ACSL1: variants seen among roughly 807,000 people sequenced by gnomAD.
ACSL1 encodes long-chain-fatty-acid--CoA ligase 1.
In ACSL1, 41 loss-of-function variants were observed where a neutral mutation model predicts 98.4. The ratio of observed to expected loss-of-function variants is 0.42; its 90% CI spans 0.32 to 0.54. ACSL1 has a LOEUF of 0.54. ACSL1 is among the 20% of genes least tolerant of loss of function. The pLI, the probability that ACSL1 is intolerant of heterozygous loss-of-function variation, is 0.13. For missense variants in ACSL1, 734 were observed against 883.1 expected (o/e 0.83, Z 2.14); for synonymous variants, 316 against 322.7 (o/e 0.98, Z 0.22).
At chr4:184,815,558 G>A (rs979826002) in intron 1 of ACSL1, among the ~76,000 whole-genome samples, 7 of 152,092 alleles carry the variant, frequency 4.6e-5, no homozygotes, top group Non-Finnish European at 8.8e-5. Flanking sequence ...CCCACAGCTC[G>A]CAGAGGTCAC....
At chr4:184,802,845 C>T (rs1053628924) in intron 2 of ACSL1, among the ~76,000 whole-genome samples, 8 of 152,202 alleles carry the variant, frequency 5.3e-5, no homozygotes, top group African/African-American at 1.9e-4. Context: ...CCGTCAAGTT[C>T]TTACTCCAGC....
In ACSL1 at chr4:184,788,661, A is replaced by T; in HGVS notation, c.266T>A (p.Val89Asp). Residue 89 changes from valine to aspartate, a missense_variant, in exon 3 of 21, where the codon GTC (valine) becomes GAC (aspartate). Physicochemically the swap from Val to Asp is radical, Grantham distance 152. Transcript: ENST00000281455. ...DEPLVYFYDD[V>D]TTLYEGFQRG... ...CTGGAAACCTTCGTATAATGTTGTG[A>T]CATCATCATAGAAATACACCAAGGG... 6.2e-7 allele frequency: 1 copy of T among 1,614,176 alleles called. No homozygotes were observed. Among genetic ancestry groups the T allele is most frequent in the Non-Finnish European group, 8.5e-7 (1 of 1,180,040 alleles).
chr4:184,805,397 A>T, intron 1 of ACSL1: 5 of 633,566 alleles, frequency 7.9e-6, no homozygotes, highest in Non-Finnish European at 9.8e-6. Flanking sequence ...GTACTCACTC[A>T]CACACACACA....
In ACSL1 at chr4:184,766,632, T is replaced by C; in HGVS notation, c.1253A>G (p.His418Arg). The C allele has an allele frequency of 6.2e-7, 1 of 1,614,034 alleles. No homozygotes were observed. The highest frequency in any genetic ancestry group is 8.5e-7 in the Non-Finnish European group (1 of 1,179,958). ...NNSLWDRLIF[H>R]KVQSSLGGRV... The stretch of plus-strand genomic sequence containing the variant: ...TGAGTCACGTGTTACCTGTACTTTG[T>C]GGAAGATCAGCCGGTCCCACAGGCT... Residue 418 changes from histidine (H) to arginine (R), a missense_variant, in exon 13 of 21, where the codon CAC becomes CGC. Transcript: ENST00000281455. The surrounding 1 kb of genome is among the most constrained non-coding windows in gnomAD (Gnocchi z 4.8).
intron 1 of ACSL1, among the ~76,000 whole-genome samples, chr4:184,806,598 TA>T (rs1771454921): frequency 6.6e-6 from 1 of 152,226 alleles, no homozygotes; most frequent in African/African-American, 2.4e-5. Flanking sequence ...CACAGGGGAT[TA>T]ATTTGTCTAT....
In ACSL1 at chr4:184,757,298, A is replaced by G. The variant is rs751635933; in HGVS notation, c.1957-33T>C. 3 of 1,575,164 alleles carry G rather than the reference A, an allele frequency of 1.9e-6. No individual in the cohort carries two copies. The highest frequency in any genetic ancestry group is 2.6e-6 in the Non-Finnish European group (3 of 1,152,936). On this transcript the variant is annotated intron_variant, in intron 20 of 20. Transcript: ENST00000281455. This position sits in a 1 kb window ranked among gnomAD's most constrained non-coding sequence, Gnocchi z 4.5. ...TAAACAAGGCAGTTAAAAGAGGAAA[A>G]AGGACACGGGCCACCAGTCTCAAAA...
At chr4:184,760,650 A>G in intron 17 of ACSL1, 150 bp from the exon 18 acceptor site, 1 of 1,237,910 alleles carries the variant, frequency 8.1e-7, no homozygotes, top group Non-Finnish European at 1.1e-6. Flanking sequence ...CCCATTTTAC[A>G]GAGAGGAAAA....
At chr4:184,784,616 G>A (rs1346735598) in intron 3 of ACSL1, among the ~76,000 whole-genome samples, 1 of 152,188 alleles carries the variant, frequency 6.6e-6, no homozygotes, top group Non-Finnish European at 1.5e-5. Context: ...TCCTATTCAG[G>A]TTTCAAAGAA....
intron 1 of ACSL1, chr4:184,805,313 A>G: frequency 5.1e-6 from 1 of 197,468 alleles, no homozygotes; most frequent in Non-Finnish European, 9.1e-6. Context: ...TTTACAGGCC[A>G]TTAATACTAC....
chr4:184,815,736 GAGA>G (rs1378891476), intron 1 of ACSL1, among the ~76,000 whole-genome samples: 1 of 152,132 alleles, frequency 6.6e-6, no homozygotes, highest in African/African-American at 2.4e-5. Flanking sequence ...TCTGCCCAGG[GAGA>G]AGAAGATCAG....
intron 4 of ACSL1, among the ~76,000 whole-genome samples, chr4:184,781,070 A>G (rs893712864): frequency 6.6e-6 from 1 of 152,004 alleles, no homozygotes; most frequent in Non-Finnish European, 1.5e-5. Flanking sequence ...CCCCGTCTCT[A>G]CTGAAAATAA....
At chr4:184,815,376 G>A (rs1283005502) in intron 1 of ACSL1, among the ~76,000 whole-genome samples, 2 of 152,146 alleles carry the variant, frequency 1.3e-5, no homozygotes, top group Non-Finnish European at 2.9e-5. Context: ...TCCCATGACA[G>A]CATTCTTGTC....
At chr4:184,758,565 T>C (rs981890540) in intron 18 of ACSL1, 3 of 152,032 alleles carry the variant, frequency 2.0e-5, no homozygotes, top group African/African-American at 7.2e-5. Flanking sequence ...AGAAAATAAA[T>C]AAATAAAATG....
chr4:184,815,299 C>A (rs62338221), intron 1 of ACSL1, among the ~76,000 whole-genome samples: 2 of 152,126 alleles, frequency 1.3e-5, no homozygotes, highest in African/African-American at 4.8e-5. Flanking sequence ...CCTGAAGGAG[C>A]GGCAGGTGGG....
intron 5 of ACSL1, 130 bp from the exon 6 acceptor site, chr4:184,777,113 T>C (rs1765410583): frequency 2.6e-6 from 2 of 764,568 alleles, no homozygotes; most frequent in Non-Finnish European, 4.3e-6. Context: ...TGTTAGCTAC[T>C]ACTCTGTGCC....
At chr4:184,759,506 A>T (rs1323527645) in intron 18 of ACSL1, among the ~76,000 whole-genome samples, 2 of 152,226 alleles carry the variant, frequency 1.3e-5, no homozygotes, top group Admixed American at 1.3e-4. Context: ...AAACAACCCC[A>T]TCAAAAAGTG....
intron 1 of ACSL1, among the ~76,000 whole-genome samples, chr4:184,820,231 A>C (rs1287045768): frequency 8.0e-4 from 122 of 151,840 alleles, no homozygotes; most frequent in Admixed American, 2.2e-3. Context: ...GTTAGCCAGG[A>C]TGGTCTTGAT....
intron 2 of ACSL1, chr4:184,798,343 CAAAT>C (rs1401265266): frequency 1.3e-5 from 2 of 152,342 alleles, no homozygotes; most frequent in African/African-American, 2.4e-5. Flanking sequence ...TAAAAACAAA[CAAAT>C]AACACATATC....
intron 3 of ACSL1, chr4:184,788,316 A>G (rs1767754968): frequency 4.3e-6 from 2 of 468,394 alleles, no homozygotes; most frequent in South Asian, 3.5e-5. Flanking sequence ...GCCCAGTTCA[A>G]CAGACCTCTT....
Sources: allele counts gnomAD v4.1 joint callset (sites outside exome capture counted in the v4.1 genomes callset), GRCh38; gene constraint gnomAD v4.1.1; non-coding constraint Gnocchi (gnomAD v3.1); transcripts MANE v1.5; gene names NCBI Gene and HGNC (gene_info 2026-07-23, HGNC 2026-07-21).